Variants in TUBGCP3 observed in about 807,000 individuals in gnomAD.
TUBGCP3 encodes the protein tubulin gamma complex component 3, also known as gamma-tubulin complex component 3.
TUBGCP3 carries 50 observed loss-of-function variants against 123.1 expected under a neutral mutation model. The ratio of observed to expected loss-of-function variants is 0.41; its 90% CI spans 0.32 to 0.51. The LOEUF (loss-of-function observed/expected upper bound fraction) is 0.51, where lower values mean the gene tolerates loss of function less well. TUBGCP3 is among the 20% of genes least tolerant of loss of function. The pLI, the probability that TUBGCP3 is intolerant of heterozygous loss-of-function variation, is 0.36. For missense variants in TUBGCP3, 882 were observed against 1,127.0 expected (o/e 0.78, Z 3.11); for synonymous variants, 405 against 413.9 (o/e 0.98, Z 0.26).
chr13:112,585,786 A>T (rs868624627), intron 1 of TUBGCP3, among the ~76,000 whole-genome samples: 11 of 151,964 alleles, frequency 7.2e-5, no homozygotes, highest in Middle Eastern at 6.8e-3. Context: ...AAATAAATAA[A>T]TTATTTATTC....
rs900798661 is a variant in TUBGCP3, at chr13:112,489,604, G to T, written c.2542C>A (p.Arg848=). The T allele has an allele frequency of 3.7e-6, 6 of 1,613,936 alleles. No homozygotes were observed. Among genetic ancestry groups the T allele is most frequent in the Non-Finnish European group, 5.1e-6 (6 of 1,179,796 alleles). The change falls in exon 21 of 22, where the codon CGA becomes AGA. Residue 848 remains arginine (R), a synonymous_variant. Coordinates refer to ENST00000261965, the MANE Select transcript of TUBGCP3 (RefSeq NM_006322.6). The part of the protein sequence containing the change: ...ESIPKMCSQL[R]ILTHFYQGIV... ...ACCTGGTAGAAATGGGTCAATATTC[G>T]CAACTGTGAGCACATTTTTGGTATA...
At chr13:112,587,084 A>C (rs1490342499) in intron 1 of TUBGCP3, 1 of 152,202 alleles carries the variant, frequency 6.6e-6, no homozygotes, top group Non-Finnish European at 1.5e-5. Flanking sequence ...CTTAAGATGT[A>C]ACTCAGTTGC....
At chr13:112,574,950 G>A (rs556800786) in intron 1 of TUBGCP3, among the ~76,000 whole-genome samples, 3 of 152,332 alleles carry the variant, frequency 2.0e-5, no homozygotes, top group South Asian at 2.1e-4. Context: ...TGGGGAGGGA[G>A]GGAGGAAGCA....
the TUBGCP3 span, among the ~76,000 whole-genome samples, chr13:112,599,592 C>T: frequency 4.6e-5 from 7 of 152,250 alleles, no homozygotes; most frequent in South Asian, 4.1e-4. Flanking sequence ...CTGTAACCTC[C>T]GCCTCCCAGG....
rs547600473 is a variant in TUBGCP3 at position 112,564,741 on chromosome 13, C to G, written c.252+370G>C. ...TCAATTTTTTCGTTATTCACTATGG[C>G]AGTACAAATTATGACCCAATGAATA... On this transcript the variant is annotated intron_variant, in intron 3 of 21. Transcript: ENST00000261965. 1.2e-4 allele frequency among the ~76,000 whole-genome samples: 19 copies of G among 152,276 alleles called. No individual in the cohort carries two copies. In the East Asian group the frequency reaches 3.7e-3, roughly 29 times the overall value.
chr13:112,601,126 G>T, the TUBGCP3 span, among the ~76,000 whole-genome samples: 1 of 147,888 alleles, frequency 6.8e-6, no homozygotes, highest in Non-Finnish European at 1.5e-5. Flanking sequence ...GGCAGAGGTT[G>T]CTGTGAGCCA....
intron 17 of TUBGCP3, among the ~76,000 whole-genome samples, chr13:112,515,589 AG>A (rs1876051866): frequency 6.6e-6 from 1 of 152,208 alleles, no homozygotes; most frequent in South Asian, 2.1e-4. Flanking sequence ...ATTCATAAGA[AG>A]GGTACCCTGC....
intron 12 of TUBGCP3, 71 bp downstream of exon 12, chr13:112,527,303 G>T: frequency 1.7e-6 from 2 of 1,144,078 alleles, no homozygotes; most frequent in Non-Finnish European, 2.5e-6. Context: ...ACTGAAAATT[G>T]GTTTTGTCAC....
chr13:112,580,054 G>T (rs1397664560), intron 1 of TUBGCP3, among the ~76,000 whole-genome samples: 1 of 152,200 alleles, frequency 6.6e-6, no homozygotes, highest in African/African-American at 2.4e-5. Context: ...GTTATACTAA[G>T]TGAAAGAAAC....
the TUBGCP3 span, among the ~76,000 whole-genome samples, chr13:112,597,351 T>C: frequency 3.9e-5 from 6 of 152,324 alleles, no homozygotes; most frequent in African/African-American, 1.2e-4. Flanking sequence ...GTGCCCCTAG[T>C]ACTTGCAAGA....
chr13:112,494,321 A>C (rs1880375922), intron 20 of TUBGCP3, among the ~76,000 whole-genome samples: 1 of 152,250 alleles, frequency 6.6e-6, no homozygotes, highest in Non-Finnish European at 1.5e-5. Flanking sequence ...TGGTTATTCC[A>C]GTTTATCCAG....
chr13:112,567,149 G>A (rs1881014049), intron 2 of TUBGCP3, among the ~76,000 whole-genome samples: 2 of 152,178 alleles, frequency 1.3e-5, no homozygotes, highest in African/African-American at 4.8e-5. Flanking sequence ...CACCTGCTGG[G>A]GACACCCCAG....
At chr13:112,547,550 CGCGTGGG>C (rs1566567372) in intron 10 of TUBGCP3, 63 bp downstream of exon 10, 2 of 784,774 alleles carry the variant, frequency 2.5e-6, no homozygotes, top group African/African-American at 8.0e-5. Flanking sequence ...GGGAAAGTCG[CGCGTGGG>C]AAAGTCGCGC....
intron 4 of TUBGCP3, 98 bp from the exon 5 acceptor site, chr13:112,558,511 C>A: frequency 9.3e-7 from 1 of 1,076,492 alleles, no homozygotes; most frequent in Non-Finnish European, 1.3e-6. Flanking sequence ...CCTTCTATTT[C>A]TGTAACTGGA....
At chr13:112,533,605 C>T (rs1037634594) in intron 11 of TUBGCP3, among the ~76,000 whole-genome samples, 8 of 151,820 alleles carry the variant, frequency 5.3e-5, no homozygotes, top group African/African-American at 1.7e-4. Context: ...GCACCCGTGC[C>T]TTTGTCGTCA....
chr13:112,519,896 C>T lies in TUBGCP3; in HGVS notation c.1871G>A (p.Arg624Gln). The change falls in exon 15 of 22, where the codon CGG becomes CAG. Residue 624 changes from arginine (R) to glutamine (Q), a missense_variant. Arg to Gln is a conservative substitution (Grantham distance 43). Around this residue, in one of 3 missense-constraint regions of TUBGCP3, gnomAD observed 713 missense variants for 874.0 expected, o/e 0.82. Transcript: ENST00000261965. This position sits in a 1 kb window ranked among gnomAD's most constrained non-coding sequence, Gnocchi z 6.2. The part of the protein sequence containing the change: ...SPEILRRLDV[R>Q]LLEVSPGDTG... ...GCAGAGCCGCAGTACCTCCAGCAGC[C>T]GCACGTCCAGCCTTCGCAGGATCTC... 1 of 1,613,314 alleles carries T rather than the reference C, an allele frequency of 6.2e-7. No homozygotes were observed. The highest frequency in any genetic ancestry group is 8.5e-7 in the Non-Finnish European group (1 of 1,179,528).
chr13:112,559,682 C>T (rs1468512272), intron 3 of TUBGCP3, among the ~76,000 whole-genome samples: 3 of 152,202 alleles, frequency 2.0e-5, no homozygotes, highest in African/African-American at 4.8e-5. Context: ...TCCTGAATAA[C>T]AGTATCGTCT....
Position 112,526,733 on chromosome 13 carries a change from C to T in TUBGCP3, c.1555+209G>A, listed in dbSNP as rs559790531. 3.2e-3 allele frequency among the ~76,000 whole-genome samples: 486 copies of T among 152,052 alleles called. 1 individual carries two copies. The highest frequency in any genetic ancestry group is 0.011 in the African/African-American group (447 of 41,472). ...TCATCATCACCATCAACATCATCAC[C>T]ACCATCACTGCCACCACCACGCATT... On this transcript the variant is annotated intron_variant, in intron 13 of 21. Transcript: ENST00000261965.
chr13:112,547,602 G>GA lies in TUBGCP3; in HGVS notation c.1168+17dup. On this transcript the variant is annotated intron_variant, in intron 10 of 21. Transcript: ENST00000261965. ...TCGCGCGTGGGAAAGACGTGCGTGGGAAAGACGCGCGTGGGACCTTGGCAG... is the reference window on the plus strand; with the variant it reads ...TCGCGCGTGGGAAAGACGTGCGTGGGAAAAGACGCGCGTGGGACCTTGGCAG... 1 of 1,483,746 alleles carries GA rather than the reference G, an allele frequency of 6.7e-7. No individual in the cohort carries two copies. The allele number at this position is 1,483,746 out of a possible 1,614,324, so 91.9% of individuals were successfully genotyped here. A position where few individuals can be genotyped will look rare whatever the true frequency, so the allele number is the denominator to read the frequency against.
Sources: allele counts gnomAD v4.1 joint callset (sites outside exome capture counted in the v4.1 genomes callset), GRCh38; gene constraint gnomAD v4.1.1; regional missense constraint gnomAD v4.1.1; non-coding constraint Gnocchi (gnomAD v3.1); transcripts MANE v1.5; gene names NCBI Gene and HGNC (gene_info 2026-07-23, HGNC 2026-07-21).